The following TRMT61B variants were observed in gnomAD, a reference collection of about 807,000 sequenced individuals.
TRMT61B encodes tRNA (adenine(58)-N(1))-methyltransferase, mitochondrial.
Under a neutral mutation model 52.0 loss-of-function variants are expected in TRMT61B, and 56 were observed. That is an observed-to-expected ratio of 1.08 (90% CI 0.87 to 1.35). TRMT61B has a LOEUF of 1.35. Among genes scored for constraint, TRMT61B ranks in the 40% most tolerant of loss-of-function variants. The pLI is 0.00. For synonymous variants in TRMT61B, 206 were observed against 220.0 expected, an observed-to-expected ratio of 0.94 and a Z score of 0.56; for missense variants, 650 against 577.9, an observed-to-expected ratio of 1.12 and a Z score of -1.28.
At position 28,861,149 on chromosome 2, in the gene TRMT61B, G is replaced by T; in HGVS notation, c.962C>A (p.Thr321Asn). ...AAATGTTAAAGATTTTATGTCTTCG[G>T]TTGCTCCTGAAATGTCCTTATGAAT... ...DFIHKDISGATEDIKSLTFDA... is the reference protein window; with the variant it reads ...DFIHKDISGANEDIKSLTFDA... Residue 321 changes from threonine (T) to asparagine (N), a missense_variant, in exon 3 of 7, where the codon ACC (threonine) becomes AAC (asparagine). Physicochemically the swap from Thr to Asn is moderately conservative, Grantham distance 65 (BLOSUM62 0). Transcript: ENST00000306108. The T allele has an allele frequency of 3.7e-6, 6 of 1,606,516 alleles. No homozygotes were observed. Among genetic ancestry groups the T allele is most frequent in the Non-Finnish European group, 5.1e-6 (6 of 1,177,948 alleles).
intron 3 of TRMT61B, among the ~76,000 whole-genome samples, chr2:28,855,126 G>A (rs1042617648): frequency 5.3e-5 from 8 of 152,160 alleles, no homozygotes; most frequent in African/African-American, 1.9e-4. Flanking sequence ...GCTACTTGGG[G>A]AGTCTGTTGA....
rs184992316 is a variant in TRMT61B at position 28,856,354 on chromosome 2, A to T, written c.994-3855T>A. On this transcript the variant is annotated intron_variant, in intron 3 of 6. Transcript: ENST00000306108. ...TTGACTTAGGTCAACACCTCACCATATCTTGTTGAAATATTATAATACCTT... is the reference window on the plus strand; with the variant it reads ...TTGACTTAGGTCAACACCTCACCATTTCTTGTTGAAATATTATAATACCTT... 5.3e-5 allele frequency among the ~76,000 whole-genome samples: 8 copies of T among 152,278 alleles called. No homozygotes were observed. The East Asian group carries it at 1.5e-3, about 29-fold the overall frequency.
In TRMT61B at chr2:28,849,939, T is replaced by G; in HGVS notation, c.*260A>C. On this transcript the variant is annotated 3_prime_UTR_variant, in exon 7 of 7. Transcript: ENST00000306108. Reference sequence around the variant, plus strand: ...GGAGTGGTTTACAGGAAGTGAAGAATGAGATGGCCCAACTAAACCAATTTG... The same window carrying G: ...GGAGTGGTTTACAGGAAGTGAAGAAGGAGATGGCCCAACTAAACCAATTTG... The G allele has an allele frequency of 6.3e-7, 1 of 1,584,574 alleles. No homozygotes were observed. Among genetic ancestry groups the G allele is most frequent in the Non-Finnish European group, 8.6e-7 (1 of 1,169,142 alleles).
chr2:28,869,507 A>C, intron 1 of TRMT61B, 72 bp downstream of exon 1: 1 of 1,044,342 alleles, frequency 9.6e-7, no homozygotes, highest in Admixed American at 2.2e-5. Flanking sequence ...TGAATACATT[A>C]ATCAGGACTG....
intron 3 of TRMT61B, among the ~76,000 whole-genome samples, chr2:28,853,413 C>T (rs1669206315): frequency 1.3e-5 from 2 of 152,052 alleles, no homozygotes; most frequent in African/African-American, 2.4e-5. Context: ...TGGATTCAAG[C>T]GATCTGCCCG....
chr2:28,852,254 A>C (rs1669141398), intron 4 of TRMT61B, among the ~76,000 whole-genome samples, 154 bp downstream of exon 4: 1 of 139,822 alleles, frequency 7.2e-6, no homozygotes, highest in African/African-American at 2.7e-5. Flanking sequence ...TGGAGGTTGC[A>C]GTGAGCTGAG....
intron 1 of TRMT61B, among the ~76,000 whole-genome samples, chr2:28,867,598 ATG>A (rs1669903235): frequency 6.6e-6 from 1 of 152,216 alleles, no homozygotes; most frequent in South Asian, 2.1e-4. Context: ...GAGTGGAACA[ATG>A]TGACTTTTAT....
Position 28,856,045 on chromosome 2 carries a change from T to A in TRMT61B, c.994-3546A>T, listed in dbSNP as rs776652337. Among the ~76,000 whole-genome samples the A allele has an allele frequency of 7.2e-4, 110 of 152,198 alleles. 1 individual carries two copies. Among genetic ancestry groups the A allele is most frequent in the Non-Finnish European group, 9.0e-4 (61 of 68,030 alleles). On this transcript the variant is annotated intron_variant, in intron 3 of 6. Coordinates refer to ENST00000306108, the MANE Select transcript of TRMT61B (RefSeq NM_017910.4). ...TCAAGGGTCAACATGATGACATAAA[T>A]GGGTTCTCAGACTGTAGTTTTACTA...
At chr2:28,862,532 C>T (rs1454027431) in intron 2 of TRMT61B, among the ~76,000 whole-genome samples, 1 of 151,062 alleles carries the variant, frequency 6.6e-6, no homozygotes, top group Non-Finnish European at 1.5e-5. Flanking sequence ...CAGGGTTTCG[C>T]CATGTTGCCA....
chr2:28,868,640 G>A (rs1335402983), intron 1 of TRMT61B, among the ~76,000 whole-genome samples: 1 of 152,236 alleles, frequency 6.6e-6, no homozygotes, highest in African/African-American at 2.4e-5. Context: ...AGGAGGAGGA[G>A]TTGTGTTACA....
At chr2:28,855,871 T>C (rs1669320258) in intron 3 of TRMT61B, among the ~76,000 whole-genome samples, 1 of 152,024 alleles carries the variant, frequency 6.6e-6, no homozygotes, top group East Asian at 1.9e-4. Flanking sequence ...CAAAGGAGGC[T>C]GAGACAGGAG....
At chr2:28,854,754 A>C (rs1449762099) in intron 3 of TRMT61B, among the ~76,000 whole-genome samples, 4 of 52,560 alleles carry the variant, frequency 7.6e-5, no homozygotes, top group Admixed American at 1.6e-4. Flanking sequence ...AAAAAAAAAA[A>C]AAAAAAAAAA....
chr2:28,860,377 G>A (rs1047486283), intron 3 of TRMT61B, among the ~76,000 whole-genome samples: 3 of 142,770 alleles, frequency 2.1e-5, no homozygotes, highest in Non-Finnish European at 3.0e-5. Context: ...AGCCAATTAA[G>A]GAAAGGAAGA....
chr2:28,865,774 G>A (rs1239379988), intron 1 of TRMT61B, among the ~76,000 whole-genome samples: 6 of 150,066 alleles, frequency 4.0e-5, no homozygotes, highest in Admixed American at 6.7e-5. Context: ...TCCGCCTCCC[G>A]GGTTCAAGCG....
Position 28,851,393 on chromosome 2 carries a change from A to G in TRMT61B, c.1086-95T>C. 3.6e-6 allele frequency: 3 copies of G among 823,232 alleles called. 1 individual carries two copies. The South Asian group carries it at 6.5e-5, about 18-fold the overall frequency. The allele number at this position is 823,232 out of a possible 1,614,324, so 51.0% of individuals were successfully genotyped here. ...CCTCTTGCCCACATTTAAATACCAT[A>G]GTTAAATTAAGGCAGGAGAGGGTTT... On this transcript the variant is annotated intron_variant, in intron 4 of 6. Coordinates refer to ENST00000306108, the MANE Select transcript of TRMT61B (RefSeq NM_017910.4).
At position 28,869,711 on chromosome 2, in the gene TRMT61B, G is replaced by A. The variant is rs7583228; in HGVS notation, c.567C>T (p.Phe189=). 5 of 1,614,170 alleles carry A rather than the reference G, an allele frequency of 3.1e-6. No individual in the cohort carries two copies. In the East Asian group the frequency reaches 6.7e-5, roughly 22 times the overall value. The change falls in exon 1 of 7, where the codon TTC becomes TTT. Residue 189 remains phenylalanine (F), a synonymous_variant. Transcript: ENST00000306108. ...CGGGGAACTTCCCCACGATCTTGCC[G>A]AACGGGACTGCCCCCCAGTTACTAT... ...LLNSNWGAVP[F]GKIVGKFPGQ...
chr2:28,866,596 T>C (rs1353178123), intron 1 of TRMT61B, among the ~76,000 whole-genome samples: 1 of 152,136 alleles, frequency 6.6e-6, no homozygotes, highest in East Asian at 1.9e-4. Context: ...ACCGCTAACC[T>C]GCTGTGTGGC....
rs563867258 is a variant in TRMT61B, at chr2:28,865,924, G to A, written c.700-805C>T. 7.3e-4 allele frequency among the ~76,000 whole-genome samples: 110 copies of A among 151,544 alleles called. No homozygotes were observed. In the South Asian group the frequency reaches 9.8e-3, roughly 14 times the overall value. ...TTGAACTCCTGACCTCAGGTGATCC[G>A]CTCGCCTCAGCCTCCCACAGTGCTG... On this transcript the variant is annotated intron_variant, in intron 1 of 6. Coordinates refer to ENST00000306108, the MANE Select transcript of TRMT61B (RefSeq NM_017910.4).
chr2:28,852,127 C>T (rs936261548), intron 4 of TRMT61B, among the ~76,000 whole-genome samples: 4 of 150,216 alleles, frequency 2.7e-5, no homozygotes, highest in African/African-American at 7.4e-5. Context: ...GCCTGGCCAA[C>T]ATGGTGAAAC....
Sources: allele counts gnomAD v4.1 joint callset (sites outside exome capture counted in the v4.1 genomes callset), GRCh38; gene constraint gnomAD v4.1.1; transcripts MANE v1.5; gene names NCBI Gene and HGNC (gene_info 2026-07-23, HGNC 2026-07-21).